The following KIF17 variants were observed in gnomAD, a reference collection of about 807,000 sequenced individuals.
KIF17 encodes the protein kinesin-like protein KIF17.
KIF17 carries 80 observed loss-of-function variants against 96.8 expected under a neutral mutation model. That is an observed-to-expected ratio of 0.83 (90% CI 0.69 to 1.00). The LOEUF (loss-of-function observed/expected upper bound fraction) is 1.00. KIF17 is among the 50% of genes least tolerant of loss of function. The pLI is 0.00. For synonymous variants in KIF17, 567 were observed against 587.5 expected, an observed-to-expected ratio of 0.97 and a Z score of 0.51; for missense variants, 1,280 against 1,372.9, an observed-to-expected ratio of 0.93 and a Z score of 1.07.
At chr1:20,696,543 C>G (rs529699597) in intron 6 of KIF17, among the ~76,000 whole-genome samples, 1 of 152,150 alleles carries the variant, frequency 6.6e-6, no homozygotes, top group South Asian at 2.1e-4. Flanking sequence ...AAGGCACCCC[C>G]ATCCGTGGCA....
At chr1:20,695,029 CAT>C (rs1415984901) in intron 6 of KIF17, among the ~76,000 whole-genome samples, 5 of 152,080 alleles carry the variant, frequency 3.3e-5, no homozygotes, top group Non-Finnish European at 5.9e-5. Flanking sequence ...CAGGCACACA[CAT>C]GCAGGCACAC....
intron 4 of KIF17, among the ~76,000 whole-genome samples, chr1:20,705,612 TC>T (rs1179471189): frequency 6.6e-6 from 1 of 152,102 alleles, no homozygotes; most frequent in South Asian, 2.1e-4. Flanking sequence ...GAGTCTACGG[TC>T]CCCCATGTCT....
chr1:20,674,981 C>T (rs928999488), intron 11 of KIF17, among the ~76,000 whole-genome samples: 5 of 151,900 alleles, frequency 3.3e-5, no homozygotes, highest in African/African-American at 1.2e-4. Context: ...GAAATCCCAT[C>T]TCTACTAAAA....
chr1:20,702,142 A>G (rs143850936), intron 5 of KIF17, among the ~76,000 whole-genome samples: 27 of 152,264 alleles, frequency 1.8e-4, no homozygotes, highest in African/African-American at 6.5e-4. Flanking sequence ...CTCACAGCAC[A>G]CACAAGGCAG....
intron 11 of KIF17, among the ~76,000 whole-genome samples, chr1:20,679,362 C>T (rs150696707): frequency 2.1e-3 from 326 of 152,228 alleles, no homozygotes; most frequent in African/African-American, 7.3e-3. Flanking sequence ...TACCTGTAGT[C>T]CCAGCTACTC....
At chr1:20,712,283 C>A (rs1308606600) in intron 3 of KIF17, among the ~76,000 whole-genome samples, 1 of 151,904 alleles carries the variant, frequency 6.6e-6, no homozygotes, top group Non-Finnish European at 1.5e-5. Flanking sequence ...GGGAGCAACA[C>A]CCTCTGTTGC....
At chr1:20,695,508 T>C (rs1348347947) in intron 6 of KIF17, among the ~76,000 whole-genome samples, 1 of 152,162 alleles carries the variant, frequency 6.6e-6, no homozygotes, top group Non-Finnish European at 1.5e-5. Flanking sequence ...CTTTTAAACA[T>C]GGGACCTGAA....
rs1038999700 is a variant in KIF17 at position 20,665,698 on chromosome 1, G to A, written c.2908+516C>T. 5.3e-5 allele frequency among the ~76,000 whole-genome samples: 8 copies of A among 152,190 alleles called. No homozygotes were observed. The East Asian group carries it at 1.5e-3, about 29-fold the overall frequency. On this transcript the variant is annotated intron_variant, in intron 14 of 14. Coordinates refer to ENST00000400463, the MANE Select transcript of KIF17 (RefSeq NM_001122819.3). ...TTACAAGGGTGAGCCACTGCACCTG[G>A]CCAAGATTTGCTTTTTATTGCTATT...
chr1:20,691,378 C>T (rs1014567268), intron 6 of KIF17, among the ~76,000 whole-genome samples: 2 of 151,920 alleles, frequency 1.3e-5, no homozygotes, highest in African/African-American at 4.8e-5. Context: ...AACTCCTGGC[C>T]TCAAGTGATC....
chr1:20,691,751 G>A (rs767676915), intron 6 of KIF17, among the ~76,000 whole-genome samples: 3 of 151,710 alleles, frequency 2.0e-5, no homozygotes, highest in Admixed American at 6.6e-5. Context: ...TTACAGGCAT[G>A]AGCCACCATG....
rs1322104705 is a variant in KIF17 at position 20,682,344 on chromosome 1, G to A, written c.2463+309C>T. Among the ~76,000 whole-genome samples, 4 of 152,276 alleles carry A rather than the reference G, an allele frequency of 2.6e-5. No homozygotes were observed. The South Asian group carries it at 6.2e-4, about 24-fold the overall frequency. On this transcript the variant is annotated intron_variant, in intron 11 of 14. Transcript: ENST00000400463. ...TGCTTTCCAGCCTGGGCAATATGGT[G>A]AGACCCTGCCTGTCCAAAAAATTTA...
At position 20,672,155 on chromosome 1, in the gene KIF17, C is replaced by T; in HGVS notation, c.2505G>A (p.Glu835=). ...AGTAATCGATCTTCTCCAGCTGAAACTCGGACTGCAGATCTTTGATCTCCA... is the reference window on the plus strand; with the variant it reads ...AGTAATCGATCTTCTCCAGCTGAAATTCGGACTGCAGATCTTTGATCTCCA... ...AEVEIKDLQS[E]FQLEKIDYLA... The change falls in exon 12 of 15, where the codon GAG becomes GAA. Residue 835 remains glutamate, a synonymous_variant. Transcript: ENST00000400463. The surrounding 1 kb of genome is among the most constrained non-coding windows in gnomAD (Gnocchi z 4.3). 1 of 1,614,178 alleles carries T rather than the reference C, an allele frequency of 6.2e-7. No homozygotes were observed. Among genetic ancestry groups the T allele is most frequent in the Non-Finnish European group, 8.5e-7 (1 of 1,180,044 alleles).
chr1:20,672,009 GACTC>G lies in KIF17; in HGVS notation c.2647_2650del (p.Glu883ProfsTer24). The G allele has an allele frequency of 6.2e-7, 1 of 1,614,128 alleles. No individual in the cohort carries two copies. On this transcript the variant is annotated frameshift_variant, in exon 12 of 15. Transcript: ENST00000400463. LOFTEE classifies it high-confidence loss of function. This position sits in a 1 kb window ranked among gnomAD's most constrained non-coding sequence, Gnocchi z 4.3. The stretch of plus-strand genomic sequence containing the variant: ...GAAGCCGTTATCTTCGTCCCAGCAG[GACTC>G]ACGCAGAATCTTCTCCAGGTTGCTG...
rs1282616813 is a variant in KIF17, at chr1:20,684,936, C to A, written c.2104G>T (p.Ala702Ser). ...AGGGGCTCAGGCTGAGCCACCAGGG[C>A]CACCGGGGCCTGAGCCTCCAACCAC... ...GVWLEAQAPV[A>S]LVAQPEPLPA... The change falls in exon 10 of 15, where the codon GCC (alanine) becomes TCC (serine). Residue 702 changes from alanine (A) to serine (S), a missense_variant. Transcript: ENST00000400463. 2 of 1,600,402 alleles carry A rather than the reference C, an allele frequency of 1.2e-6. No individual in the cohort carries two copies. The highest frequency in any genetic ancestry group is 8.5e-7 in the Non-Finnish European group (1 of 1,174,038).
intron 3 of KIF17, among the ~76,000 whole-genome samples, chr1:20,712,737 T>TA (rs1557606727): frequency 0.032 from 678 of 20,938 alleles, 207 homozygotes; most frequent in East Asian, 0.065. Flanking sequence ...TATCTATATA[T>TA]ATTATATATA....
chr1:20,708,442 T>G (rs574718863), intron 4 of KIF17, among the ~76,000 whole-genome samples: 3 of 152,158 alleles, frequency 2.0e-5, no homozygotes, highest in African/African-American at 7.2e-5. Flanking sequence ...TACAGGCATG[T>G]ACCATCACAC....
Position 20,715,485 on chromosome 1 carries a change from GC to G in KIF17, c.378+7del, listed in dbSNP as rs2054560557. ...TGGCCCTGCCCCTTCCCTCTGCGAG[GC>G]CCGTACCTGGACGCTCTCGAACACG... On this transcript the variant is annotated splice_region_variant and intron_variant, in intron 2 of 14. Coordinates refer to ENST00000400463, the MANE Select transcript of KIF17 (RefSeq NM_001122819.3). 2 of 1,611,478 alleles carry G rather than the reference GC, an allele frequency of 1.2e-6. No individual in the cohort carries two copies. Among genetic ancestry groups the G allele is most frequent in the South Asian group, 2.2e-5 (2 of 91,086 alleles).
chr1:20,702,802 C>T (rs6680503), intron 5 of KIF17, among the ~76,000 whole-genome samples: 3,312 of 152,336 alleles, frequency 0.022, 115 homozygotes, highest in African/African-American at 0.074. Flanking sequence ...TGACCATGCA[C>T]TCCTCTCTGC....
rs757638344 is a variant in KIF17 at position 20,682,859 on chromosome 1, C to T, written c.2257G>A (p.Val753Met). 1.2e-6 allele frequency: 2 copies of T among 1,611,550 alleles called. No homozygotes were observed. The highest frequency in any genetic ancestry group is 1.1e-5 in the South Asian group (1 of 91,088). The change falls in exon 11 of 15, where the codon GTG becomes ATG. Residue 753 changes from valine (V) to methionine (M), a missense_variant. Transcript: ENST00000400463. Reference protein sequence around the residue: ...ARLQLLEQQVVGGEQAKNKDL... With the variant: ...ARLQLLEQQVMGGEQAKNKDL... ...TTGTTCTTGGCCTGCTCTCCACCCA[C>T]AACCTGCTGCTCCAACAGCTGCAGA...
Sources: allele counts gnomAD v4.1 joint callset (sites outside exome capture counted in the v4.1 genomes callset), GRCh38; gene constraint gnomAD v4.1.1; non-coding constraint Gnocchi (gnomAD v3.1); transcripts MANE v1.5; gene names NCBI Gene and HGNC (gene_info 2026-07-23, HGNC 2026-07-21).